Variants in SYNE2 observed in about 807,000 individuals in gnomAD.
The protein encoded by SYNE2 is spectrin repeat containing nuclear envelope protein 2, also known as nesprin-2.
Under a neutral mutation model 856.3 loss-of-function variants are expected in SYNE2, and 431 were observed. That is an observed-to-expected ratio of 0.50 (90% confidence interval 0.47 to 0.55). SYNE2 has a LOEUF of 0.55. Ranked by LOEUF, SYNE2 falls within the 20% of genes least tolerant of loss-of-function variation. SYNE2 has a pLI of 0.00. For synonymous variants in SYNE2, 2,923 were observed against 2,872.3 expected, an observed-to-expected ratio of 1.02 and a Z score of -0.56; for missense variants, 8,129 against 8,023.2, an observed-to-expected ratio of 1.01 and a Z score of -0.50.
At chr14:64,021,639 G>T in intron 36 of SYNE2, 124 bp downstream of exon 36, 1 of 1,277,562 alleles carries the variant, frequency 7.8e-7, no homozygotes, top group Non-Finnish European at 1.1e-6. Flanking sequence ...CAGAAAAACC[G>T]CTTTTGTATA....
chr14:64,126,938 T>G (rs1237625724), intron 73 of SYNE2, 131 bp downstream of exon 73: 30 of 1,064,628 alleles, frequency 2.8e-5, no homozygotes, highest in Non-Finnish European at 4.2e-6. Context: ...CTCTTCTGTT[T>G]GTTGCTCATG....
chr14:64,052,202 A>C lies in SYNE2; in HGVS notation c.8289A>C (p.Ser2763=). ...SIPLLPDDIL[S]QIRKCKVTHD... is the part of the protein sequence containing the mutation. ...CCCTTCTCCCAGATGACATTCTTTC[A>C]CAGATCAGAAAGTGCAAAGTGACAC... is the stretch of plus-strand genomic sequence containing the variant. The change falls in exon 48 of 116, where the codon TCA becomes TCC. Residue 2763 remains serine (S), a synonymous_variant. Coordinates refer to ENST00000555002, the MANE Select transcript of SYNE2 (RefSeq NM_182914.3). 6.2e-7 allele frequency: 1 copy of C among 1,614,180 alleles called. No homozygotes were observed. Among genetic ancestry groups the C allele is most frequent in the Non-Finnish European group, 8.5e-7 (1 of 1,180,046 alleles).
At chr14:64,224,909 A>C in intron 114 of SYNE2, 90 bp from the exon 115 acceptor site, 1 of 1,223,044 alleles carries the variant, frequency 8.2e-7, no homozygotes, top group Non-Finnish European at 1.2e-6. Flanking sequence ...TAAAGGTGGT[A>C]TATAATTTAA....
In SYNE2 at chr14:64,097,065, C is replaced by T. The variant is rs144971202; in HGVS notation, c.12109-884C>T. On this transcript the variant is annotated intron_variant, in intron 61 of 115. Transcript: ENST00000555002. ...AGGAGGATGTTAGTGTATTTGTCACCTGCTGTTTCTTCCAAAGCTAAGAAT... is the reference window on the plus strand; with the variant it reads ...AGGAGGATGTTAGTGTATTTGTCACTTGCTGTTTCTTCCAAAGCTAAGAAT... Among the ~76,000 whole-genome samples the T allele has an allele frequency of 1.7e-4, 26 of 152,286 alleles. No homozygotes were observed. In the East Asian group the frequency reaches 4.8e-3, roughly 28 times the overall value.
At chr14:64,112,794 T>G (rs1303300372) in intron 65 of SYNE2, among the ~76,000 whole-genome samples, 1 of 152,246 alleles carries the variant, frequency 6.6e-6, no homozygotes, top group Non-Finnish European at 1.5e-5. Flanking sequence ...AAAATTTAGA[T>G]AAGTAATACC....
At position 64,137,816 on chromosome 14, in the gene SYNE2, C is replaced by A. The variant is rs375987275; in HGVS notation, c.14676C>A (p.His4892Gln). 40 of 1,614,052 alleles carry A rather than the reference C, an allele frequency of 2.5e-5. No homozygotes were observed. Among genetic ancestry groups the A allele is most frequent in the Non-Finnish European group, 3.1e-5 (37 of 1,180,028 alleles). Residue 4892 changes from histidine (H) to glutamine (Q), a missense_variant, in exon 79 of 116, where the codon CAC (histidine) becomes CAA (glutamine). By Grantham distance (24) the His-to-Gln change is conservative. Around this residue, in one of 3 missense-constraint regions of SYNE2, gnomAD observed 5,410 missense variants for 5,284.8 expected, o/e 1.02. Transcript: ENST00000555002. The stretch of plus-strand genomic sequence containing the variant: ...TAAAAAGAAACATTGGTGGAAAACA[C>A]GCCCGGCTTTACCAAACTCTGAACG... ...QQIKRNIGGKHARLYQTLNEG... is the reference protein window; with the variant it reads ...QQIKRNIGGKQARLYQTLNEG...
chr14:64,189,305 G>A lies in SYNE2; in HGVS notation c.17871+597G>A, dbSNP rs147638475. Among the ~76,000 whole-genome samples, 310 of 151,486 alleles carry A rather than the reference G, an allele frequency of 2.0e-3. 2 individuals carry two copies. Among genetic ancestry groups the A allele is most frequent in the African/African-American group, 7.0e-3 (289 of 41,262 alleles). On this transcript the variant is annotated intron_variant, in intron 98 of 115. Transcript: ENST00000555002. ...GCCGAGATGGTGCCATTGCACACCA[G>A]CCTGGGCAACAGAGCAAAAATTCCA...
chr14:63,813,252 C>CTTATTG (rs1478146731), intron 1 of SYNE2, among the ~76,000 whole-genome samples: 3 of 152,150 alleles, frequency 2.0e-5, no homozygotes, highest in Admixed American at 2.0e-4. Context: ...AGAAATTAGT[C>CTTATTG]TTATTGTCAT....
Position 64,122,280 on chromosome 14 carries a change from CA to C in SYNE2, c.13281-2del. ...ATTCTCTTCACCTTTTGTTCTTCTTCAAAAGCAACCAGGCATCCAGCCCTGA... is the reference window on the plus strand; with the variant it reads ...ATTCTCTTCACCTTTTGTTCTTCTTCAAAGCAACCAGGCATCCAGCCCTGA... On this transcript the variant is annotated splice_polypyrimidine_tract_variant and splice_region_variant and intron_variant, in intron 69 of 115. Transcript: ENST00000555002. 6.2e-7 allele frequency: 1 copy of C among 1,614,142 alleles called. No homozygotes were observed. The highest frequency in any genetic ancestry group is 8.5e-7 in the Non-Finnish European group (1 of 1,180,014).
chr14:63,933,972 A>C (rs1021970691), intron 2 of SYNE2, among the ~76,000 whole-genome samples: 1 of 152,192 alleles, frequency 6.6e-6, no homozygotes, highest in East Asian at 1.9e-4. Context: ...AAGCAGTATG[A>C]AAACGTGAGA....
Position 64,019,672 on chromosome 14 carries a change from C to T in SYNE2, c.5050-320C>T, listed in dbSNP as rs562536546. On this transcript the variant is annotated intron_variant, in intron 34 of 115. Transcript: ENST00000555002. ...GTGTGTGTGTGTATGTGTGTGCATG[C>T]GTGCAGATGCGCACACACGGGGTAT... is the stretch of plus-strand genomic sequence containing the variant. Among the ~76,000 whole-genome samples, 20 of 152,152 alleles carry T rather than the reference C, an allele frequency of 1.3e-4. No homozygotes were observed. The South Asian group carries it at 3.3e-3, about 25-fold the overall frequency.
chr14:63,849,833 T>G (rs1316907606), upstream of SYNE2, among the ~76,000 whole-genome samples: 1 of 152,202 alleles, frequency 6.6e-6, no homozygotes, highest in African/African-American at 2.4e-5. Context: ...TAGTGACTCT[T>G]GGTTCACCTG....
At chr14:63,985,004 A>G (rs2077424325) in intron 18 of SYNE2, among the ~76,000 whole-genome samples, 1 of 152,214 alleles carries the variant, frequency 6.6e-6, no homozygotes, top group African/African-American at 2.4e-5. Context: ...TAAAATAAAT[A>G]AAATAAATAA....
chr14:64,137,964 C>T lies in SYNE2; in HGVS notation c.14824C>T (p.Leu4942Phe), dbSNP rs781539014. The T allele has an allele frequency of 1.6e-5, 26 of 1,613,810 alleles. No homozygotes were observed. Among genetic ancestry groups the T allele is most frequent in the South Asian group, 2.2e-5 (2 of 91,060 alleles). The change falls in exon 79 of 116, where the codon CTT (leucine) becomes TTT (phenylalanine). Residue 4942 changes from leucine (L) to phenylalanine (F), a missense_variant. Physicochemically the swap from Leu to Phe is conservative, Grantham distance 22. This residue lies in a region of SYNE2 where 5,410 missense variants were observed against 5,284.8 expected (regional missense o/e 1.02). Transcript: ENST00000555002. ...CCATGAGCTCCACAGGCTGCAAGCTCTTCTCAAGCATCTGCTCAGGTCAGC... is the reference window on the plus strand; with the variant it reads ...CCATGAGCTCCACAGGCTGCAAGCTTTTCTCAAGCATCTGCTCAGGTCAGC... ...IDHELHRLQA[L>F]LKHLLSYNRD...
intron 51 of SYNE2, among the ~76,000 whole-genome samples, chr14:64,067,820 G>C (rs1226498580): frequency 1.3e-5 from 2 of 152,106 alleles, no homozygotes; most frequent in Non-Finnish European, 2.9e-5. Context: ...ATGCTTCAAT[G>C]ATCATAATGT....
chr14:63,955,564 G>T (rs146871923), intron 8 of SYNE2, among the ~76,000 whole-genome samples: 79 of 152,188 alleles, frequency 5.2e-4, no homozygotes, highest in African/African-American at 1.7e-3. Flanking sequence ...CATAATAGAG[G>T]TATATGGGAT....
At chr14:64,101,884 C>A in intron 63 of SYNE2, 48 bp from the exon 64 acceptor site, 2 of 1,409,596 alleles carry the variant, frequency 1.4e-6, no homozygotes, top group Non-Finnish European at 2.0e-6. Flanking sequence ...CCGGTTATGA[C>A]AGTAAGGGAA....
rs367698099 is a variant in SYNE2 at position 64,119,607 on chromosome 14, C to A, written c.13021C>A (p.Gln4341Lys). The A allele has an allele frequency of 6.2e-7, 1 of 1,613,958 alleles. No homozygotes were observed. Among genetic ancestry groups the A allele is most frequent in the Admixed American group, 1.7e-5 (1 of 60,002 alleles). Residue 4341 changes from glutamine to lysine, a missense_variant and splice_region_variant, in exon 67 of 116, where the codon CAG becomes AAG. Physicochemically the swap from Gln to Lys is moderately conservative, Grantham distance 53. Transcript: ENST00000555002. ...GCTTCAGGAGAAGCACAGTGAAGAT[C>A]AGGTAAAAAATGACTATCTATGGAC... Reference protein sequence around the residue: ...MMLQEKHSEDQHPTILKKSSE... With the variant: ...MMLQEKHSEDKHPTILKKSSE...
chr14:63,845,228 C>A (rs1890187509), intron 1 of SYNE2, among the ~76,000 whole-genome samples: 1 of 151,884 alleles, frequency 6.6e-6, no homozygotes, highest in South Asian at 2.1e-4. Flanking sequence ...CCAGCCTGGC[C>A]AAAATGGTGA....
Sources: gnomAD v4.1 joint callset for allele counts (sites outside exome capture counted in the v4.1 genomes callset) on GRCh38, gnomAD v4.1.1 for gene constraint, gnomAD v4.1.1 regional missense constraint, MANE v1.5 for transcripts, NCBI Gene and HGNC (gene_info 2026-07-23, HGNC 2026-07-21) for gene names.